KMT2D: variants seen among roughly 807,000 people sequenced by gnomAD.
The protein encoded by KMT2D is lysine methyltransferase 2D.
In KMT2D, 55 loss-of-function variants were observed where a neutral mutation model predicts 512.7. The ratio of observed to expected loss-of-function variants is 0.11; its 90% CI spans 0.09 to 0.13. The LOEUF is 0.13. Among genes scored for constraint, KMT2D ranks in the 10% least tolerant of loss-of-function variants. The pLI is 1.00. For missense variants in KMT2D, 6,061 were observed against 7,127.9 expected, an observed-to-expected ratio of 0.85 and a Z score of 5.39; for synonymous variants, 2,995 against 2,904.0, an observed-to-expected ratio of 1.03 and a Z score of -1.01.
Position 49,039,087 on chromosome 12 carries a change from G to A in KMT2D, c.8367-98C>T. ...AGGAAGGATAGAATTAATGCAGTGA[G>A]GGAGAAAAGGAATGAGGAAGAAGAG... On this transcript the variant is annotated intron_variant, in intron 34 of 54. Transcript: ENST00000301067. The surrounding 1 kb of genome is among the most constrained non-coding windows in gnomAD (Gnocchi z 5.0). 6.6e-6 allele frequency: 10 copies of A among 1,515,766 alleles called. No homozygotes were observed. The highest frequency in any genetic ancestry group is 9.1e-6 in the Non-Finnish European group (10 of 1,098,670). 93.9% of individuals were successfully genotyped at this position (1,515,766 alleles called of 1,614,324 possible).
rs1942861947 is a variant in KMT2D, at chr12:49,030,728, G to A, written c.13712C>T (p.Ala4571Val). 6.2e-7 allele frequency: 1 copy of A among 1,613,730 alleles called. No homozygotes were observed. The highest frequency in any genetic ancestry group is 8.5e-7 in the Non-Finnish European group (1 of 1,179,892). ...LLPLTEPAIT[A>V]NFSLFAPFGS... is the part of the protein sequence containing the mutation. ...AAAGGGGGCAAAGAGGCTAAAATTGGCGGTGATAGCAGGCTCCGTTAGGGG... is the reference window on the plus strand; with the variant it reads ...AAAGGGGGCAAAGAGGCTAAAATTGACGGTGATAGCAGGCTCCGTTAGGGG... Residue 4571 changes from alanine (A) to valine (V), a missense_variant, in exon 42 of 55, where the codon GCC becomes GTC. This residue lies in a region of KMT2D where 1,600 missense variants were observed against 1,754.9 expected (regional missense o/e 0.91). Transcript: ENST00000301067.
rs1229921336 is a variant in KMT2D at position 49,022,393 on chromosome 12, CAG to C, written c.16339-42_16339-41del. 3.8e-6 allele frequency: 6 copies of C among 1,574,264 alleles called. No homozygotes were observed. The highest frequency in any genetic ancestry group is 8.7e-7 in the Non-Finnish European group (1 of 1,154,110). On this transcript the variant is annotated intron_variant, in intron 52 of 54. Coordinates refer to ENST00000301067, the MANE Select transcript of KMT2D (RefSeq NM_003482.4). The surrounding 1 kb of genome is among the most constrained non-coding windows in gnomAD (Gnocchi z 8.6). ...GTTGCAGAAGAAGGGACAAGAGTAT[CAG>C]AGAGTGGCAGTGGTGGCTGTGGGAT...
Position 49,049,805 on chromosome 12 carries a change from A to C in KMT2D, c.3783T>G (p.Thr1261=). Residue 1261 remains threonine (T), a synonymous_variant, in exon 12 of 55, where the codon ACT becomes ACG. Coordinates refer to ENST00000301067, the MANE Select transcript of KMT2D (RefSeq NM_003482.4). Reference sequence around the variant, plus strand: ...AGTCATCAGTCTCTGGCAGTGAGTCAGTACAGAGCCGTAGGGAGCCCTCAT... The same window carrying C: ...AGTCATCAGTCTCTGGCAGTGAGTCCGTACAGAGCCGTAGGGAGCCCTCAT... ...ARDEGSLRLC[T]DSLPETDDSL... is the part of the protein sequence containing the mutation. 1.2e-6 allele frequency: 2 copies of C among 1,613,954 alleles called. No homozygotes were observed. The highest frequency in any genetic ancestry group is 8.5e-7 in the Non-Finnish European group (1 of 1,179,872).
At chr12:49,034,700 G>A in intron 36 of KMT2D, 34 bp from the exon 37 acceptor site, 1 of 1,607,486 alleles carries the variant, frequency 6.2e-7, no homozygotes, top group Middle Eastern at 1.7e-4. Flanking sequence ...GATAAGTGTT[G>A]GCAATAAGAA....
chr12:49,039,254 T>C lies in KMT2D; in HGVS notation c.8334A>G (p.Pro2778=), dbSNP rs752643140. 3 of 1,613,724 alleles carry C rather than the reference T, an allele frequency of 1.9e-6. No homozygotes were observed. The South Asian group carries it at 3.3e-5, about 18-fold the overall frequency. The stretch of plus-strand genomic sequence containing the variant: ...TCACATCCATAGAGGAAGGCGTGGC[T>C]GGTGGAGGTGGCCGGGAGAGTCGGT... The part of the protein sequence containing the change: ...SDDRLSRPPP[P]ATPSSMDVNS... Residue 2778 remains proline, a synonymous_variant, in exon 34 of 55, where the codon CCA becomes CCG. Transcript: ENST00000301067. This position sits in a 1 kb window ranked among gnomAD's most constrained non-coding sequence, Gnocchi z 5.0.
In KMT2D at chr12:49,034,085, G is replaced by T. The variant is rs1943094707; in HGVS notation, c.10722C>A (p.Ile3574=). The T allele has an allele frequency of 1.2e-6, 2 of 1,612,568 alleles. No individual in the cohort carries two copies. Among genetic ancestry groups the T allele is most frequent in the South Asian group, 1.1e-5 (1 of 91,070 alleles). Residue 3574 remains isoleucine (I), a synonymous_variant, in exon 39 of 55, where the codon ATC becomes ATA. Transcript: ENST00000301067. ...LKLVTEQQSK[I]QKQLDQVRKQ... Reference sequence around the variant, plus strand: ...CCCCCACCTGATCCAGTTGTTTCTGGATCTTGCTCTGCTGCTCTGTAACCA... The same window carrying T: ...CCCCCACCTGATCCAGTTGTTTCTGTATCTTGCTCTGCTGCTCTGTAACCA...
Position 49,026,368 on chromosome 12 carries a change from GA to G in KMT2D, c.15597del (p.His5200IlefsTer43). The G allele has an allele frequency of 6.2e-7, 1 of 1,612,570 alleles. No homozygotes were observed. Among genetic ancestry groups the G allele is most frequent in the East Asian group, 2.2e-5 (1 of 44,842 alleles). ...GQLLPHQMAD[F>X]HSATALYPVG... ...ACGGGATAGAGGGCAGTGGCACTAT[GA>G]AAGTCAGCCATCTGGTGAGGCAGCA... On this transcript the variant is annotated frameshift_variant, in exon 49 of 55. Coordinates refer to ENST00000301067, the MANE Select transcript of KMT2D (RefSeq NM_003482.4). LOFTEE classifies it high-confidence loss of function. This position sits in a 1 kb window ranked among gnomAD's most constrained non-coding sequence, Gnocchi z 9.6.
In KMT2D at chr12:49,054,697, G is replaced by C. The variant is rs146053307; in HGVS notation, c.231C>G (p.His77Gln). 1 of 1,613,220 alleles carries C rather than the reference G, an allele frequency of 6.2e-7. No homozygotes were observed. Among genetic ancestry groups the C allele is most frequent in the Non-Finnish European group, 8.5e-7 (1 of 1,179,514 alleles). The change falls in exon 4 of 55, where the codon CAC becomes CAG. Residue 77 changes from histidine (H) to glutamine (Q), a missense_variant. By Grantham distance (24) the His-to-Gln change is conservative. Transcript: ENST00000301067. The surrounding 1 kb of genome is among the most constrained non-coding windows in gnomAD (Gnocchi z 6.4). ...CAAAGCGCCGTAGCTCCCGCTGCCC[G>C]TGTAGACTGGGCTCCCCGCAGTTAC... ...ALCNCGEPSL[H>Q]GQRELRRFEL...
In KMT2D at chr12:49,054,490, GC is replaced by G; in HGVS notation, c.400+37del. The G allele has an allele frequency of 6.3e-7, 1 of 1,584,250 alleles. No individual in the cohort carries two copies. Among genetic ancestry groups the G allele is most frequent in the Non-Finnish European group, 8.6e-7 (1 of 1,163,516 alleles). ...AGGATTGCTGGCTCAGGACTACCCA[GC>G]CCTTATCCCATTTCCTGCCCCATTC... is the stretch of plus-strand genomic sequence containing the variant. On this transcript the variant is annotated intron_variant, in intron 4 of 54. Coordinates refer to ENST00000301067, the MANE Select transcript of KMT2D (RefSeq NM_003482.4). This position sits in a 1 kb window ranked among gnomAD's most constrained non-coding sequence, Gnocchi z 6.4.
chr12:49,027,379 C>T, intron 48 of KMT2D, 57 bp from the exon 49 acceptor site: 1 of 1,395,142 alleles, frequency 7.2e-7, no homozygotes, highest in Non-Finnish European at 9.6e-7. Context: ...TAGCTCCCTC[C>T]TTCCCCTCAC....
rs1942857715 is a variant in KMT2D at position 49,030,664 on chromosome 12, C to A, written c.13776G>T (p.Arg4592Ser). ...GCPVNGQSQL[R>S]GAFGSGALPT... ...GCAGCGCCCCACTTCCAAAGGCCCC[C>A]CTCAGCTGGCTCTGCCCATTGACTG... is the stretch of plus-strand genomic sequence containing the variant. Residue 4592 changes from arginine to serine, a missense_variant, in exon 42 of 55, where the codon AGG (arginine) becomes AGT (serine). Arg to Ser is a moderately radical substitution (Grantham distance 110). Transcript: ENST00000301067. 1 of 1,612,294 alleles carries A rather than the reference C, an allele frequency of 6.2e-7. No individual in the cohort carries two copies. The highest frequency in any genetic ancestry group is 8.5e-7 in the Non-Finnish European group (1 of 1,179,230).
Position 49,031,177 on chromosome 12 carries a change from CCTT to C in KMT2D, c.13525_13527del (p.Lys4509del). On this transcript the variant is annotated inframe_deletion, in exon 40 of 55. Coordinates refer to ENST00000301067, the MANE Select transcript of KMT2D (RefSeq NM_003482.4). ...TCCACTCTACTCAGAGTACTCACCT[CCTT>C]GTTGCTGGGGGTACCCTGTAGTTTC... The C allele has an allele frequency of 1.9e-6, 3 of 1,607,642 alleles. No individual in the cohort carries two copies. Among genetic ancestry groups the C allele is most frequent in the Non-Finnish European group, 2.6e-6 (3 of 1,175,926 alleles).
In KMT2D at chr12:49,051,610, T is replaced by C. The variant is rs1206626847; in HGVS notation, c.2073A>G (p.Pro691=). 1 of 1,560,630 alleles carries C rather than the reference T, an allele frequency of 6.4e-7. No individual in the cohort carries two copies. The part of the protein sequence containing the change: ...SPPPEASRLS[P]PPEDSPTSPP... ...GGGATGTGGGGGAGTCCTCAGGTGG[T>C]GGGGAGAGGCGTGAAGCCTCAGGTG... is the stretch of plus-strand genomic sequence containing the variant. Residue 691 remains proline (P), a synonymous_variant, in exon 11 of 55, where the codon CCA becomes CCG. Transcript: ENST00000301067.
At position 49,049,172 on chromosome 12, in the gene KMT2D, G is replaced by A. The variant is rs1271850915; in HGVS notation, c.3953C>T (p.Ala1318Val). Residue 1318 changes from alanine to valine, a missense_variant, in exon 13 of 55, where the codon GCC becomes GTC. Around this residue, in one of 16 missense-constraint regions of KMT2D, gnomAD observed 447 missense variants for 500.1 expected, o/e 0.89. Transcript: ENST00000301067. Reference sequence around the variant, plus strand: ...CCGTCCTCTACCACGTCCTCCATGGGCTCCTCCACGAGGCCGGCGTCTTCC... The same window carrying A: ...CCGTCCTCTACCACGTCCTCCATGGACTCCTCCACGAGGCCGGCGTCTTCC... ...FPGRRRPRGGAHGGRGRGRAR... is the reference protein window; with the variant it reads ...FPGRRRPRGGVHGGRGRGRAR... 2 of 1,610,900 alleles carry A rather than the reference G, an allele frequency of 1.2e-6. No homozygotes were observed. The highest frequency in any genetic ancestry group is 2.2e-5 in the East Asian group (1 of 44,850).
chr12:49,046,785 G>A lies in KMT2D; in HGVS notation c.4242C>T (p.Thr1414=). The A allele has an allele frequency of 6.2e-7, 1 of 1,612,032 alleles. No individual in the cohort carries two copies. Among genetic ancestry groups the A allele is most frequent in the South Asian group, 1.1e-5 (1 of 90,914 alleles). The change falls in exon 16 of 55, where the codon ACC becomes ACT. Residue 1414 remains threonine (T), a synonymous_variant. Coordinates refer to ENST00000301067, the MANE Select transcript of KMT2D (RefSeq NM_003482.4). The surrounding 1 kb of genome is among the most constrained non-coding windows in gnomAD (Gnocchi z 4.2). ...YHPYCVNSKI[T]KVMLLKGWRC... ...GCCAGCCCTTGAGCAGCATCACCTT[G>A]GTGATCTGGGGCAGAAGATGGGAAC...
Position 49,030,717 on chromosome 12 carries a change from G to A in KMT2D, c.13723C>T (p.Leu4575Phe), listed in dbSNP as rs776021061. Reference protein sequence around the residue: ...TEPAITANFSLFAPFGSGCPV... With the variant: ...TEPAITANFSFFAPFGSGCPV... ...CAGCCACTGCCAAAGGGGGCAAAGA[G>A]GCTAAAATTGGCGGTGATAGCAGGC... The change falls in exon 42 of 55, where the codon CTC becomes TTC. Residue 4575 changes from leucine to phenylalanine, a missense_variant. By Grantham distance (22) the Leu-to-Phe change is conservative. Around this residue, in one of 16 missense-constraint regions of KMT2D, gnomAD observed 1,600 missense variants for 1,754.9 expected, o/e 0.91. Coordinates refer to ENST00000301067, the MANE Select transcript of KMT2D (RefSeq NM_003482.4). 1.9e-5 allele frequency: 30 copies of A among 1,613,646 alleles called. No homozygotes were observed. Among genetic ancestry groups the A allele is most frequent in the African/African-American group, 6.7e-5 (5 of 74,950 alleles).
At chr12:49,034,328 T>C (rs1332918520) in intron 38 of KMT2D, 29 bp from the exon 39 acceptor site, 7 of 1,610,388 alleles carry the variant, frequency 4.3e-6, no homozygotes, top group Non-Finnish European at 5.9e-6. Context: ...TGTCAGGACC[T>C]GCAAAAGGGT....
Position 49,051,309 on chromosome 12 carries a change from C to T in KMT2D, c.2374G>A (p.Ala792Thr), listed in dbSNP as rs201778313. The T allele has an allele frequency of 3.2e-5, 50 of 1,555,040 alleles. No homozygotes were observed. The highest frequency in any genetic ancestry group is 2.1e-5 in the Non-Finnish European group (24 of 1,150,550). The change falls in exon 11 of 55, where the codon GCT becomes ACT. Residue 792 changes from alanine to threonine, a missense_variant. Transcript: ENST00000301067. ...TGAGGGGACAGATGTGGTCCCTCAGCCTGGGGGGACAAGTGTGGCTCCTCA... is the reference window on the plus strand; with the variant it reads ...TGAGGGGACAGATGTGGTCCCTCAGTCTGGGGGGACAAGTGTGGCTCCTCA... The part of the protein sequence containing the change: ...VPEEPHLSPQ[A>T]EGPHLSPQPE...
chr12:49,033,321 G>C lies in KMT2D; in HGVS notation c.11384C>G (p.Pro3795Arg), dbSNP rs1268220839. Residue 3795 changes from proline to arginine, a missense_variant, in exon 40 of 55, where the codon CCC becomes CGC. Physicochemically the swap from Pro to Arg is moderately radical, Grantham distance 103. Coordinates refer to ENST00000301067, the MANE Select transcript of KMT2D (RefSeq NM_003482.4). ...LLVQQLSPQP[P>R]QGPQGMLGPA... Reference sequence around the variant, plus strand: ...GCCCAGCATGCCCTGGGGCCCCTGGGGTGGTTGAGGGGACAGCTGCTGGAC... The same window carrying C: ...GCCCAGCATGCCCTGGGGCCCCTGGCGTGGTTGAGGGGACAGCTGCTGGAC... 6.3e-7 allele frequency: 1 copy of C among 1,593,838 alleles called. No individual in the cohort carries two copies. The highest frequency in any genetic ancestry group is 8.5e-7 in the Non-Finnish European group (1 of 1,170,470).
Sources: gnomAD v4.1 joint callset for allele counts on GRCh38, gnomAD v4.1.1 for gene constraint, gnomAD v4.1.1 regional missense constraint, Gnocchi (gnomAD v3.1) non-coding constraint, MANE v1.5 for transcripts, NCBI Gene and HGNC (gene_info 2026-07-23, HGNC 2026-07-21) for gene names.